Variants in TENM3 observed in about 807,000 individuals in gnomAD.
TENM3 encodes teneurin-3.
TENM3 carries 63 observed loss-of-function variants against 255.1 expected under a neutral mutation model. That is an observed-to-expected ratio of 0.25 (90% CI 0.20 to 0.30). The LOEUF (loss-of-function observed/expected upper bound fraction) is 0.30, where lower values mean the gene tolerates loss of function less well. TENM3 is among the 10% of genes least tolerant of loss of function. The probability of loss-of-function intolerance (pLI) is 1.00; values close to 1 mark genes in which losing one functional copy is unlikely to be tolerated. For synonymous variants in TENM3, 1,306 were observed against 1,322.3 expected, an observed-to-expected ratio of 0.99 and a Z score of 0.27; for missense variants, 2,929 against 3,461.1, an observed-to-expected ratio of 0.85 and a Z score of 3.86.
At chr4:181,687,896 G>A in the TENM3 span, among the ~76,000 whole-genome samples, 1 of 152,140 alleles carries the variant, frequency 6.6e-6, no homozygotes, top group East Asian at 1.9e-4. Context: ...CAGCAGGGAT[G>A]AACAAAGTCT....
At chr4:181,649,842 G>C in the TENM3 span, among the ~76,000 whole-genome samples, 1 of 152,178 alleles carries the variant, frequency 6.6e-6, no homozygotes, top group East Asian at 1.9e-4. Flanking sequence ...AAGTAGAGCT[G>C]TCGTGGTACA....
At chr4:181,660,916 T>G in the TENM3 span, among the ~76,000 whole-genome samples, 1 of 152,188 alleles carries the variant, frequency 6.6e-6, no homozygotes, top group Admixed American at 6.5e-5. Context: ...TGCTTTATCT[T>G]ACTTTGTGTT....
chr4:181,600,881 G>C, the TENM3 span, among the ~76,000 whole-genome samples: 2 of 152,050 alleles, frequency 1.3e-5, no homozygotes, highest in African/African-American at 4.8e-5. Context: ...CTCAATTTGG[G>C]TTCAGGTGGG....
the TENM3 span, among the ~76,000 whole-genome samples, chr4:181,470,123 A>AAAAAAAAAAAAAAAAAAAAAAAAAAAAG: frequency 6.7e-6 from 1 of 149,608 alleles, no homozygotes; most frequent in Non-Finnish European, 1.5e-5. Flanking sequence ...AAAAAAAAAA[A>AAAAAAAAAAAAAAAAAAAAAAAAAAAAG]AACATTATTC....
intron 3 of TENM3, among the ~76,000 whole-genome samples, chr4:182,550,658 G>A (rs13115888): frequency 0.3 from 45,537 of 152,008 alleles, 7,193 homozygotes; most frequent in Non-Finnish European, 0.34. Flanking sequence ...TCTAACACCA[G>A]GGATTTGTGG....
At chr4:182,482,245 G>A (rs1021049458) in intron 3 of TENM3, among the ~76,000 whole-genome samples, 3 of 152,024 alleles carry the variant, frequency 2.0e-5, no homozygotes, top group Non-Finnish European at 2.9e-5. Flanking sequence ...CTATAAATAC[G>A]TTTGGCTTAA....
At chr4:182,254,897 CA>C (rs1758278209) in intron 1 of TENM3, among the ~76,000 whole-genome samples, 1 of 152,022 alleles carries the variant, frequency 6.6e-6, no homozygotes, top group Admixed American at 6.5e-5. Context: ...AAACAAAAAA[CA>C]AAAAACCCAA....
chr4:181,572,405 G>A, the TENM3 span, among the ~76,000 whole-genome samples: 1 of 152,004 alleles, frequency 6.6e-6, no homozygotes, highest in Non-Finnish European at 1.5e-5. Flanking sequence ...AACTAAAGTA[G>A]GTCTATATTC....
At chr4:182,559,833 T>C (rs1742960916) in intron 3 of TENM3, among the ~76,000 whole-genome samples, 1 of 152,122 alleles carries the variant, frequency 6.6e-6, no homozygotes, top group South Asian at 2.1e-4. Flanking sequence ...ATAGAATGAA[T>C]AAGATCTAGT....
the TENM3 span, among the ~76,000 whole-genome samples, chr4:181,460,279 T>C: frequency 6.6e-6 from 1 of 151,964 alleles, no homozygotes; most frequent in Non-Finnish European, 1.5e-5. Flanking sequence ...TTAATTCTAA[T>C]TTCCAAACGT....
At chr4:182,570,842 A>C (rs1353416606) in intron 3 of TENM3, among the ~76,000 whole-genome samples, 3 of 151,460 alleles carry the variant, frequency 2.0e-5, no homozygotes, top group East Asian at 3.9e-4. Flanking sequence ...AAAAAAAAAC[A>C]AAACAAACAA....
chr4:181,538,869 G>T, the TENM3 span, among the ~76,000 whole-genome samples: 3 of 152,248 alleles, frequency 2.0e-5, no homozygotes, highest in Middle Eastern at 0.01. Flanking sequence ...AATCCTGAAT[G>T]AACACAATAA....
intron 1 of TENM3, among the ~76,000 whole-genome samples, chr4:182,247,021 G>A (rs539653971): frequency 8.6e-4 from 131 of 152,276 alleles, no homozygotes; most frequent in African/African-American, 3.0e-3. Flanking sequence ...CAGCCGTGTG[G>A]GCAGCTGTGG....
Position 182,801,211 on chromosome 4 carries a change from TAAC to T in TENM3, c.*864_*866del, listed in dbSNP as rs1766935466. The stretch of plus-strand genomic sequence containing the variant: ...TATGAATTATTATATTGTAGAGATA[TAAC>T]AACTTATGCCTATAATGTCCAGAAG... On this transcript the variant is annotated 3_prime_UTR_variant, in exon 28 of 28. Transcript: ENST00000511685. 1 of 152,646 alleles carries T rather than the reference TAAC, an allele frequency of 6.6e-6. No homozygotes were observed. The highest frequency in any genetic ancestry group is 2.4e-5 in the African/African-American group (1 of 41,456). 9.5% of individuals were successfully genotyped at this position (152,646 alleles called of 1,614,324 possible). A position where few individuals can be genotyped will look rare whatever the true frequency, so the allele number is the denominator to read the frequency against.
At chr4:181,487,280 T>C in the TENM3 span, among the ~76,000 whole-genome samples, 17,343 of 152,162 alleles carry the variant, frequency 0.11, 1,252 homozygotes, top group South Asian at 0.2. Context: ...CTGTTTACTT[T>C]TTAGTCTCTA....
At chr4:182,719,998 G>C (rs1759578712) in intron 13 of TENM3, among the ~76,000 whole-genome samples, 1 of 152,006 alleles carries the variant, frequency 6.6e-6, no homozygotes, top group African/African-American at 2.4e-5. Flanking sequence ...GGAGGTCAAG[G>C]CTGCAGTGAG....
At chr4:181,448,222 A>G in the TENM3 span, among the ~76,000 whole-genome samples, 17 of 122,678 alleles carry the variant, frequency 1.4e-4, 1 homozygote, top group Admixed American at 1.1e-3. Context: ...GCTGGAGTGC[A>G]GTGGCGCGAT....
At chr4:182,034,198 G>A in the TENM3 span, among the ~76,000 whole-genome samples, 1 of 152,172 alleles carries the variant, frequency 6.6e-6, no homozygotes, top group Admixed American at 6.5e-5. Context: ...CCACTCCCAT[G>A]ATTCAATTAT....
chr4:181,882,441 C>A, the TENM3 span, among the ~76,000 whole-genome samples: 1 of 152,180 alleles, frequency 6.6e-6, no homozygotes, highest in East Asian at 1.9e-4. Context: ...GAGAACTGTT[C>A]TTAGCACTGG....
Sources: allele counts gnomAD v4.1 joint callset (sites outside exome capture counted in the v4.1 genomes callset), GRCh38; gene constraint gnomAD v4.1.1; transcripts MANE v1.5; gene names NCBI Gene and HGNC (gene_info 2026-07-23, HGNC 2026-07-21).